Variants in CADPS observed in about 807,000 individuals in gnomAD.
The protein encoded by CADPS is calcium dependent secretion activator, also known as calcium-dependent secretion activator 1.
CADPS carries 57 observed loss-of-function variants against 167.3 expected under a neutral mutation model. The observed-to-expected ratio is 0.34, with a 90% confidence interval of 0.28 to 0.42. The LOEUF (loss-of-function observed/expected upper bound fraction) is 0.42. CADPS is among the 20% of genes least tolerant of loss of function. The pLI, the probability that CADPS is intolerant of heterozygous loss-of-function variation, is 1.00. For missense variants in CADPS, 1,414 were observed against 1,738.1 expected, an observed-to-expected ratio of 0.81 and a Z score of 3.32; for synonymous variants, 676 against 635.3, an observed-to-expected ratio of 1.06 and a Z score of -0.96.
chr3:62,647,058 G>T (rs1424300113), intron 5 of CADPS, among the ~76,000 whole-genome samples: 1 of 152,114 alleles, frequency 6.6e-6, no homozygotes, highest in Non-Finnish European at 1.5e-5. Context: ...CAAGAGACCG[G>T]GGAGGGAGAA....
intron 3 of CADPS, among the ~76,000 whole-genome samples, chr3:62,687,396 A>C (rs1326551607): frequency 1.3e-5 from 2 of 152,138 alleles, no homozygotes; most frequent in African/African-American, 2.4e-5. Context: ...ATTTGATTCA[A>C]GTAGAAATAA....
At position 62,752,968 on chromosome 3, in the gene CADPS, G is replaced by A. The variant is rs189412179; in HGVS notation, c.888+473C>T. ...CCATCAGAACCACTCAGAAATTCAT[G>A]ATGTGACTAATATACAGGTATCGGG... On this transcript the variant is annotated intron_variant, in intron 3 of 29. Transcript: ENST00000383710. Among the ~76,000 whole-genome samples the A allele has an allele frequency of 5.9e-5, 9 of 152,316 alleles. No individual in the cohort carries two copies. The East Asian group carries it at 1.5e-3, about 26-fold the overall frequency.
chr3:62,811,728 C>T (rs767746999), intron 1 of CADPS, among the ~76,000 whole-genome samples: 6 of 152,140 alleles, frequency 3.9e-5, no homozygotes, highest in Admixed American at 6.6e-5. Context: ...AGGGCTGGTG[C>T]GTATTAAATC....
At chr3:62,746,521 A>G (rs1428740709) in intron 3 of CADPS, among the ~76,000 whole-genome samples, 2 of 152,144 alleles carry the variant, frequency 1.3e-5, no homozygotes, top group African/African-American at 2.4e-5. Flanking sequence ...AATGTTTTGT[A>G]GAGATAGAGT....
At chr3:62,697,158 T>C (rs2367322) in intron 3 of CADPS, among the ~76,000 whole-genome samples, 3 of 151,868 alleles carry the variant, frequency 2.0e-5, no homozygotes, top group African/African-American at 7.3e-5. Context: ...GTGGTGTTTG[T>C]TTACATGAGT....
chr3:62,476,891 A>G (rs2150704572), intron 23 of CADPS, among the ~76,000 whole-genome samples: 1 of 152,294 alleles, frequency 6.6e-6, no homozygotes, highest in African/African-American at 2.4e-5. Flanking sequence ...TAAAATTGAT[A>G]TAGACTATCT....
intron 7 of CADPS, among the ~76,000 whole-genome samples, chr3:62,587,066 CA>C (rs1325487182): frequency 6.6e-6 from 1 of 152,140 alleles, no homozygotes; most frequent in Non-Finnish European, 1.5e-5. Context: ...ATTACATTGG[CA>C]TTGTTTTTAT....
intron 6 of CADPS, among the ~76,000 whole-genome samples, chr3:62,641,554 C>A (rs749993167): frequency 2.0e-5 from 3 of 152,160 alleles, no homozygotes; most frequent in Non-Finnish European, 2.9e-5. Flanking sequence ...CATCTCCCTG[C>A]CTTCCTGAGG....
intron 3 of CADPS, among the ~76,000 whole-genome samples, chr3:62,712,070 A>T (rs939524612): frequency 6.6e-6 from 1 of 152,176 alleles, no homozygotes; most frequent in Non-Finnish European, 1.5e-5. Context: ...GACTACACAA[A>T]ATTTCAACGG....
intron 6 of CADPS, among the ~76,000 whole-genome samples, chr3:62,604,546 G>A (rs747069669): frequency 1.1e-4 from 17 of 152,242 alleles, no homozygotes; most frequent in Non-Finnish European, 2.5e-4. Context: ...TTGGGCAACA[G>A]TAAAGTCTAC....
chr3:62,548,310 C>A (rs906715463), intron 11 of CADPS, among the ~76,000 whole-genome samples: 1 of 152,134 alleles, frequency 6.6e-6, no homozygotes, highest in Non-Finnish European at 1.5e-5. Flanking sequence ...TCAAGTAAAC[C>A]TAAGTGCAGG....
chr3:62,405,307 T>C (rs1708039277), intron 28 of CADPS, among the ~76,000 whole-genome samples: 1 of 151,020 alleles, frequency 6.6e-6, no homozygotes, highest in South Asian at 2.1e-4. Context: ...AAAAGAGGAG[T>C]GTGGCACTCT....
chr3:62,693,255 C>T lies in CADPS; in HGVS notation c.889-30861G>A, dbSNP rs1026376325. Reference sequence around the variant, plus strand: ...CTTTGTAACTCCCTCTGTTCATTTCCTTCACAGTCCTTCTGATGAGCCACG... The same window carrying T: ...CTTTGTAACTCCCTCTGTTCATTTCTTTCACAGTCCTTCTGATGAGCCACG... On this transcript the variant is annotated intron_variant, in intron 3 of 29. Coordinates refer to ENST00000383710, the MANE Select transcript of CADPS (RefSeq NM_003716.4). 3.0e-4 allele frequency among the ~76,000 whole-genome samples: 45 copies of T among 151,994 alleles called. 1 individual carries two copies. The highest frequency in any genetic ancestry group is 1.0e-3 in the African/African-American group (43 of 41,356).
At chr3:62,838,169 G>A (rs58091687) in intron 1 of CADPS, among the ~76,000 whole-genome samples, 28,367 of 152,134 alleles carry the variant, frequency 0.19, 2,868 homozygotes, top group Middle Eastern at 0.36. Context: ...ATCAGCCCAG[G>A]GGCTGATTTC....
chr3:62,488,571 T>C (rs1319897020), intron 21 of CADPS, among the ~76,000 whole-genome samples: 5 of 152,012 alleles, frequency 3.3e-5, no homozygotes, highest in Non-Finnish European at 7.4e-5. Flanking sequence ...TGGCTCACTG[T>C]AACCTTGAAC....
chr3:62,797,842 A>G (rs538291717), intron 1 of CADPS, among the ~76,000 whole-genome samples: 26 of 152,214 alleles, frequency 1.7e-4, no homozygotes, highest in Non-Finnish European at 2.5e-4. Context: ...AAAGAAAAAT[A>G]AAAGGTTTCC....
intron 1 of CADPS, among the ~76,000 whole-genome samples, chr3:62,776,482 G>C (rs765427357): frequency 3.3e-5 from 5 of 152,008 alleles, no homozygotes; most frequent in Non-Finnish European, 7.4e-5. Flanking sequence ...GTGAAACCCC[G>C]TCTCTACTAA....
At chr3:62,462,185 C>T (rs772282208) in intron 26 of CADPS, among the ~76,000 whole-genome samples, 3 of 152,224 alleles carry the variant, frequency 2.0e-5, no homozygotes, top group East Asian at 1.9e-4. Flanking sequence ...TTGCTAATTG[C>T]GTCTTCCAAC....
chr3:62,474,162 T>A lies in CADPS; in HGVS notation c.3477+11A>T, dbSNP rs1576517931. ...GGAAAAAAAAATCTGTATTTTTTTTTTTTTTTTTACCTCTTGGCCCATTTC... is the reference window on the plus strand; with the variant it reads ...GGAAAAAAAAATCTGTATTTTTTTTATTTTTTTTACCTCTTGGCCCATTTC... On this transcript the variant is annotated intron_variant, in intron 24 of 29. Coordinates refer to ENST00000383710, the MANE Select transcript of CADPS (RefSeq NM_003716.4). The A allele has an allele frequency of 7.2e-7, 1 of 1,391,610 alleles. No homozygotes were observed. Among genetic ancestry groups the A allele is most frequent in the Non-Finnish European group, 9.4e-7 (1 of 1,059,862 alleles). The allele number at this position is 1,391,610 out of a possible 1,614,324, so 86.2% of individuals were successfully genotyped here. A position where few individuals can be genotyped will look rare whatever the true frequency, so the allele number is the denominator to read the frequency against.
Sources: allele counts gnomAD v4.1 joint callset (sites outside exome capture counted in the v4.1 genomes callset), GRCh38; gene constraint gnomAD v4.1.1; transcripts MANE v1.5; gene names NCBI Gene and HGNC (gene_info 2026-07-23, HGNC 2026-07-21).